The following DLGAP4 variants were observed in gnomAD, a reference collection of about 807,000 sequenced individuals.
DLGAP4 encodes disks large-associated protein 4.
In DLGAP4, 18 loss-of-function variants were observed where a neutral mutation model predicts 86.9. That is an observed-to-expected ratio of 0.21 (90% CI 0.14 to 0.31). The LOEUF is 0.31. Among genes scored for constraint, DLGAP4 ranks in the 10% least tolerant of loss-of-function variants. The pLI is 1.00. For missense variants in DLGAP4, 1,085 were observed against 1,362.6 expected (o/e 0.80, Z 3.21); for synonymous variants, 548 against 574.3 (o/e 0.95, Z 0.65).
At chr20:36,320,353 C>G (rs113791710) in intron 1 of DLGAP4, among the ~76,000 whole-genome samples, 3 of 151,938 alleles carry the variant, frequency 2.0e-5, no homozygotes, top group East Asian at 3.9e-4. Context: ...TGTGCCTGGC[C>G]GACATTCAAG....
chr20:36,416,550 G>A (rs2032660072), intron 2 of DLGAP4, among the ~76,000 whole-genome samples: 1 of 152,250 alleles, frequency 6.6e-6, no homozygotes. Context: ...GGCCAGCTCT[G>A]TACAGAGTCG....
chr20:36,450,208 C>T (rs1170176676), intron 7 of DLGAP4, among the ~76,000 whole-genome samples: 1 of 152,026 alleles, frequency 6.6e-6, no homozygotes, highest in African/African-American at 2.4e-5. Flanking sequence ...GGTAAAGAAT[C>T]AGGGTCTGGG....
rs983265037 is a variant in DLGAP4 at position 36,447,612 on chromosome 20, G to T, written c.1648+675G>T. 2.0e-5 allele frequency among the ~76,000 whole-genome samples: 3 copies of T among 152,156 alleles called. No individual in the cohort carries two copies. The East Asian group carries it at 5.8e-4, about 29-fold the overall frequency. On this transcript the variant is annotated intron_variant, in intron 7 of 12. Coordinates refer to ENST00000339266, the MANE Select transcript of DLGAP4 (RefSeq NM_001365621.2). Reference sequence around the variant, plus strand: ...ATTTTTGTATTTTTAGTAGAGATGGGATTTCACCATGTTGGCCAGGCTGGT... The same window carrying T: ...ATTTTTGTATTTTTAGTAGAGATGGTATTTCACCATGTTGGCCAGGCTGGT...
At chr20:36,351,929 C>T (rs1457275051) in intron 1 of DLGAP4, among the ~76,000 whole-genome samples, 3 of 152,200 alleles carry the variant, frequency 2.0e-5, no homozygotes, top group African/African-American at 4.8e-5. Context: ...GATGTGCTGC[C>T]GGCCGGGTGG....
chr20:36,437,619 G>A (rs1156366977), intron 4 of DLGAP4, among the ~76,000 whole-genome samples: 1 of 152,210 alleles, frequency 6.6e-6, no homozygotes, highest in African/African-American at 2.4e-5. Context: ...GCCCCATCGT[G>A]TTGCTGTAAG....
chr20:36,376,722 C>T (rs1042911776), intron 2 of DLGAP4, among the ~76,000 whole-genome samples: 2 of 152,186 alleles, frequency 1.3e-5, no homozygotes, highest in African/African-American at 2.4e-5. Flanking sequence ...AGGTGGAGCC[C>T]GCAGGGACCT....
At chr20:36,519,116 CA>C (rs57477007) in intron 10 of DLGAP4, among the ~76,000 whole-genome samples, 115 of 138,850 alleles carry the variant, frequency 8.3e-4, no homozygotes, top group Admixed American at 8.0e-4. Context: ...GACTCCATCT[CA>C]AAAAAAAAAA....
rs2033120560 is a variant in DLGAP4, at chr20:36,431,173, G to A, written c.-72-473G>A. Among the ~76,000 whole-genome samples, 1 of 151,816 alleles carries A rather than the reference G, an allele frequency of 6.6e-6. No individual in the cohort carries two copies. Among genetic ancestry groups the A allele is most frequent in the Non-Finnish European group, 1.5e-5 (1 of 67,964 alleles). The stretch of plus-strand genomic sequence containing the variant: ...GGTCCTCCCGTGGGAGGTGGACCCT[G>A]CCACAGGGACCATCCTGGGGTTCCG... On this transcript the variant is annotated intron_variant, in intron 2 of 12. Transcript: ENST00000339266. The surrounding 1 kb of genome is among the most constrained non-coding windows in gnomAD (Gnocchi z 5.1).
At chr20:36,526,124 G>C (rs2037742488) in intron 12 of DLGAP4, 118 bp downstream of exon 12, 3 of 1,468,870 alleles carry the variant, frequency 2.0e-6, no homozygotes. Context: ...TTTGAGCTGG[G>C]GTCTCACATC....
At chr20:36,489,896 T>C (rs943788669) in intron 7 of DLGAP4, among the ~76,000 whole-genome samples, 1 of 147,326 alleles carries the variant, frequency 6.8e-6, no homozygotes, top group African/African-American at 2.5e-5. Context: ...TCTTGCTCTG[T>C]CACCCAGGCT....
At chr20:36,405,924 C>T (rs2032304890) in intron 2 of DLGAP4, among the ~76,000 whole-genome samples, 1 of 152,104 alleles carries the variant, frequency 6.6e-6, no homozygotes. Context: ...TGCAGCGATG[C>T]TTCTTCAAAG....
intron 1 of DLGAP4, among the ~76,000 whole-genome samples, chr20:36,336,725 T>G (rs576072020): frequency 3.9e-5 from 6 of 152,172 alleles, no homozygotes. Flanking sequence ...GCAGCCCCCA[T>G]CAGCTGCTCC....
chr20:36,513,496 C>T (rs1192229391), intron 10 of DLGAP4, among the ~76,000 whole-genome samples: 2 of 141,674 alleles, frequency 1.4e-5, no homozygotes, highest in African/African-American at 2.7e-5. Flanking sequence ...TGCAGTGAGC[C>T]GAGATTGCGC....
intron 7 of DLGAP4, among the ~76,000 whole-genome samples, chr20:36,458,132 C>T (rs933156954): frequency 6.6e-6 from 1 of 152,020 alleles, no homozygotes; most frequent in Admixed American, 6.6e-5. Context: ...ACTGTGGAAA[C>T]AACTTTGTCT....
rs566267809 is a variant in DLGAP4, at chr20:36,350,177, T to C, written c.-303-16868T>C. On this transcript the variant is annotated intron_variant, in intron 1 of 12. Coordinates refer to ENST00000339266, the MANE Select transcript of DLGAP4 (RefSeq NM_001365621.2). The surrounding 1 kb of genome is among the most constrained non-coding windows in gnomAD (Gnocchi z 4.4). Reference sequence around the variant, plus strand: ...CACAGGGACCCAGAAGGCTGGCGGGTGCCAAGCCTGGATCGTCCCCCGAGC... The same window carrying C: ...CACAGGGACCCAGAAGGCTGGCGGGCGCCAAGCCTGGATCGTCCCCCGAGC... Among the ~76,000 whole-genome samples the C allele has an allele frequency of 2.6e-5, 4 of 152,254 alleles. No homozygotes were observed. In the East Asian group the frequency reaches 7.7e-4, roughly 29 times the overall value.
Position 36,432,504 on chromosome 20 carries a change from G to C in DLGAP4, c.787G>C (p.Glu263Gln), listed in dbSNP as rs766972040. ...MLKTTKNNTTELTAPPPPPAP... is the reference protein window; with the variant it reads ...MLKTTKNNTTQLTAPPPPPAP... ...CAAAACCACCAAGAACAACACTACT[G>C]AGCTGACTGCCCCACCACCCCCGCC... Residue 263 changes from glutamate to glutamine, a missense_variant, in exon 3 of 13, where the codon GAG (glutamate) becomes CAG (glutamine). Transcript: ENST00000339266. This position sits in a 1 kb window ranked among gnomAD's most constrained non-coding sequence, Gnocchi z 6.5. The C allele has an allele frequency of 3.1e-6, 5 of 1,613,068 alleles. No homozygotes were observed. Among genetic ancestry groups the C allele is most frequent in the Admixed American group, 3.3e-5 (2 of 59,988 alleles).
chr20:36,369,009 G>T (rs960518850), intron 2 of DLGAP4, among the ~76,000 whole-genome samples: 1 of 152,192 alleles, frequency 6.6e-6, no homozygotes, highest in African/African-American at 2.4e-5. Context: ...AGCCCCTGGC[G>T]TGTGTGGCCC....
chr20:36,419,248 G>A (rs563511656), intron 2 of DLGAP4, among the ~76,000 whole-genome samples: 1 of 151,838 alleles, frequency 6.6e-6, no homozygotes, highest in African/African-American at 2.4e-5. Flanking sequence ...TCAGCCTCCT[G>A]AACAGCTGGG....
At chr20:36,374,948 T>G (rs377306670) in intron 2 of DLGAP4, among the ~76,000 whole-genome samples, 1 of 152,264 alleles carries the variant, frequency 6.6e-6, no homozygotes, top group Non-Finnish European at 1.5e-5. Flanking sequence ...CAAACCCTGC[T>G]GGGAGTTTGA....
Sources: allele counts gnomAD v4.1 joint callset (sites outside exome capture counted in the v4.1 genomes callset), GRCh38; gene constraint gnomAD v4.1.1; non-coding constraint Gnocchi (gnomAD v3.1); transcripts MANE v1.5; gene names NCBI Gene and HGNC (gene_info 2026-07-23, HGNC 2026-07-21).